The following DYM variants were observed in gnomAD, a reference collection of about 807,000 sequenced individuals.
DYM encodes the protein dymeclin, also known as dyggve-Melchior-Clausen syndrome protein.
Under a neutral mutation model 93.1 loss-of-function variants are expected in DYM, and 78 were observed. The observed-to-expected ratio is 0.84, with a 90% CI of 0.70 to 1.01. The LOEUF is 1.01. DYM is among the 50% of genes least tolerant of loss of function. The probability of loss-of-function intolerance (pLI) is 0.00; values close to 1 mark genes in which losing one functional copy is unlikely to be tolerated. For synonymous variants in DYM, 321 were observed against 319.7 expected, an observed-to-expected ratio of 1.00 and a Z score of -0.04; for missense variants, 789 against 845.0, an observed-to-expected ratio of 0.93 and a Z score of 0.82.
rs1262372166 is a variant in DYM at position 49,118,845 on chromosome 18, G to C, written c.1810C>G (p.His604Asp). 1 of 1,614,064 alleles carries C rather than the reference G, an allele frequency of 6.2e-7. No individual in the cohort carries two copies. Among genetic ancestry groups the C allele is most frequent in the Middle Eastern group, 1.7e-4 (1 of 6,060 alleles). The change falls in exon 16 of 18, where the codon CAC becomes GAC. Residue 604 changes from histidine to aspartate, a missense_variant. His to Asp is a moderately conservative substitution (Grantham distance 81). Around this residue, in one of 3 missense-constraint regions of DYM, gnomAD observed 225 missense variants for 303.0 expected, o/e 0.74. Coordinates refer to ENST00000675505, the MANE Select transcript of DYM (RefSeq NM_001353214.3). ...INSCLTNSLH[H>D]NPNLVYALLY... ...AGGGCGTATACCAAGTTTGGGTTGT[G>C]GTGAAGGGAATTTGTCAGGCAGGAG... is the stretch of plus-strand genomic sequence containing the variant.
intron 15 of DYM, among the ~76,000 whole-genome samples, chr18:49,132,382 G>C (rs932164083): frequency 6.6e-6 from 1 of 151,830 alleles, no homozygotes; most frequent in African/African-American, 2.4e-5. Context: ...AAATTGTGTA[G>C]GAAACTATAA....
chr18:49,100,678 A>G (rs79326894), intron 16 of DYM, among the ~76,000 whole-genome samples: 159 of 152,366 alleles, frequency 1.0e-3, no homozygotes, highest in African/African-American at 3.7e-3. Flanking sequence ...ACCGAAGGAA[A>G]CAAATCTATC....
At chr18:49,080,674 T>TA (rs2077866653) in intron 17 of DYM, among the ~76,000 whole-genome samples, 1 of 133,274 alleles carries the variant, frequency 7.5e-6, no homozygotes, top group Non-Finnish European at 1.6e-5. Context: ...ACGGGGCGGC[T>TA]GCCGGGCAGA....
intron 6 of DYM, among the ~76,000 whole-genome samples, chr18:49,357,546 A>G (rs2065666921): frequency 1.3e-5 from 2 of 152,220 alleles, no homozygotes; most frequent in African/African-American, 4.8e-5. Flanking sequence ...TGCCAACTAC[A>G]AATGAGCCAT....
At chr18:49,459,842 C>T (rs935930385) in intron 1 of DYM, among the ~76,000 whole-genome samples, 1 of 150,772 alleles carries the variant, frequency 6.6e-6, no homozygotes, top group Non-Finnish European at 1.5e-5. Context: ...GGCAAATCCA[C>T]GGCGACTGAA....
intron 2 of DYM, among the ~76,000 whole-genome samples, chr18:49,398,240 A>G (rs2070361497): frequency 6.6e-6 from 1 of 152,168 alleles, no homozygotes; most frequent in East Asian, 1.9e-4. Flanking sequence ...GATATTTATA[A>G]GGTGTCTGCC....
chr18:49,287,737 C>G (rs1456089243), intron 8 of DYM, among the ~76,000 whole-genome samples: 1 of 148,386 alleles, frequency 6.7e-6, no homozygotes, highest in African/African-American at 2.5e-5. Context: ...CCCAGCTACT[C>G]GGGAGGCTGA....
intron 16 of DYM, among the ~76,000 whole-genome samples, chr18:49,113,156 A>C (rs1162168781): frequency 6.6e-6 from 1 of 152,208 alleles, no homozygotes; most frequent in African/African-American, 2.4e-5. Context: ...CAGTAGCCTA[A>C]AGTGCTAGTT....
chr18:49,068,200 G>A (rs1357818658), intron 17 of DYM, among the ~76,000 whole-genome samples: 1 of 152,126 alleles, frequency 6.6e-6, no homozygotes, highest in Non-Finnish European at 1.5e-5. Context: ...TAGTACAAAG[G>A]GACATGACCA....
chr18:49,422,873 A>T (rs950383883), intron 2 of DYM, among the ~76,000 whole-genome samples: 2 of 152,206 alleles, frequency 1.3e-5, no homozygotes, highest in African/African-American at 4.8e-5. Flanking sequence ...TGCACCCAAT[A>T]CAGGAGCACC....
At chr18:49,109,698 C>G (rs1361694891) in intron 16 of DYM, among the ~76,000 whole-genome samples, 1 of 152,230 alleles carries the variant, frequency 6.6e-6, no homozygotes, top group South Asian at 2.1e-4. Context: ...CAGACAACAC[C>G]TGCACATGCA....
intron 9 of DYM, among the ~76,000 whole-genome samples, chr18:49,284,678 A>G (rs146992786): frequency 4.3e-4 from 66 of 152,324 alleles, no homozygotes; most frequent in Middle Eastern, 6.8e-3. Context: ...CGATAGAGGT[A>G]TGGTGTGAAG....
intron 14 of DYM, among the ~76,000 whole-genome samples, chr18:49,174,989 TTG>T (rs1464535613): frequency 6.6e-6 from 1 of 152,204 alleles, no homozygotes; most frequent in African/African-American, 2.4e-5. Context: ...GTTATGAAAC[TTG>T]TCTCTTTTTA....
intron 8 of DYM, among the ~76,000 whole-genome samples, chr18:49,313,533 G>A (rs1413389598): frequency 2.1e-5 from 2 of 96,342 alleles, no homozygotes; most frequent in African/African-American, 4.0e-5. Context: ...AACCTGTCAA[G>A]ACATCACCCT....
In DYM at chr18:49,257,088, G is replaced by C; in HGVS notation, c.1382C>G (p.Thr461Arg). Residue 461 changes from threonine to arginine, a missense_variant, in exon 13 of 18, where the codon ACA (threonine) becomes AGA (arginine). Coordinates refer to ENST00000675505, the MANE Select transcript of DYM (RefSeq NM_001353214.3). ...ATTTGCTAAAGCTGCCAAACAATTT[G>C]TGTGAAGGTACTTGTCCTGTGAGGA... Reference protein sequence around the residue: ...MTRTRDKYLHTNCLAALANMS... With the variant: ...MTRTRDKYLHRNCLAALANMS... 1 of 1,613,850 alleles carries C rather than the reference G, an allele frequency of 6.2e-7. No homozygotes were observed. The highest frequency in any genetic ancestry group is 8.5e-7 in the Non-Finnish European group (1 of 1,179,776).
At chr18:49,279,363 A>G (rs1035031942) in intron 10 of DYM, among the ~76,000 whole-genome samples, 6 of 152,356 alleles carry the variant, frequency 3.9e-5, no homozygotes, top group African/African-American at 1.4e-4. Flanking sequence ...ACTGCAGAAT[A>G]AAAGAATTGA....
At position 49,273,816 on chromosome 18, in the gene DYM, CT is replaced by C. The variant is rs35929710; in HGVS notation, c.1126-1514del. ...CAACATGTGACTGTATATTTTATGCCTTTTTTTTTTTTTTTGGCTACGCCTG... is the reference window on the plus strand; with the variant it reads ...CAACATGTGACTGTATATTTTATGCCTTTTTTTTTTTTTTGGCTACGCCTG... On this transcript the variant is annotated intron_variant, in intron 10 of 17. Coordinates refer to ENST00000675505, the MANE Select transcript of DYM (RefSeq NM_001353214.3). Among the ~76,000 whole-genome samples the C allele has an allele frequency of 4.0e-3, 553 of 137,194 alleles. 4 individuals carry two copies. The highest frequency in any genetic ancestry group is 6.8e-3 in the African/African-American group (253 of 37,444). The allele number at this position is 137,194 out of a possible 152,430, so 90.0% of individuals were successfully genotyped here.
chr18:49,250,344 C>G (rs2094258279), intron 13 of DYM, among the ~76,000 whole-genome samples: 1 of 152,240 alleles, frequency 6.6e-6, no homozygotes, highest in Admixed American at 6.5e-5. Flanking sequence ...AGTACCTACA[C>G]TGGACAGGTA....
chr18:49,055,801 G>A (rs1235529415), intron 17 of DYM, among the ~76,000 whole-genome samples: 4 of 152,208 alleles, frequency 2.6e-5, no homozygotes, highest in East Asian at 3.8e-4. Flanking sequence ...CCCCGCCTTC[G>A]TGAGAATGGG....
Sources: gnomAD v4.1 joint callset for allele counts (sites outside exome capture counted in the v4.1 genomes callset) on GRCh38, gnomAD v4.1.1 for gene constraint, gnomAD v4.1.1 regional missense constraint, MANE v1.5 for transcripts, NCBI Gene and HGNC (gene_info 2026-07-23, HGNC 2026-07-21) for gene names.